MAP6: variants seen among roughly 807,000 people sequenced by gnomAD.
MAP6 encodes the protein microtubule-associated protein 6.
A neutral mutation model predicts 42.4 loss-of-function variants in MAP6; 26 were observed. The observed-to-expected ratio is 0.61, with a 90% confidence interval of 0.45 to 0.85. MAP6 has a LOEUF of 0.85. MAP6 is among the 40% of genes least tolerant of loss of function. MAP6 has a pLI of 0.00. For missense variants in MAP6, 966 were observed against 1,099.0 expected, an observed-to-expected ratio of 0.88 and a Z score of 1.71; for synonymous variants, 418 against 443.8, an observed-to-expected ratio of 0.94 and a Z score of 0.73.
intron 1 of MAP6, among the ~76,000 whole-genome samples, chr11:75,630,611 G>T (rs1943270301): frequency 6.6e-6 from 1 of 152,068 alleles, no homozygotes; most frequent in Non-Finnish European, 1.5e-5. Flanking sequence ...GAATTTTATA[G>T]GTGTGACCTA....
intron 3 of MAP6, chr11:75,603,953 ATCATG>A (rs1942712186): frequency 1.0e-6 from 1 of 985,638 alleles, no homozygotes; most frequent in East Asian, 1.1e-4. Context: ...TACAATTAAG[ATCATG>A]TTGCTAGAGC....
chr11:75,664,553 C>T (rs1455425280), intron 1 of MAP6, among the ~76,000 whole-genome samples: 2 of 152,178 alleles, frequency 1.3e-5, no homozygotes, highest in South Asian at 2.1e-4. Flanking sequence ...GGTGTGAATA[C>T]ACCATAATTT....
chr11:75,640,413 G>A (rs1943445787), intron 1 of MAP6, among the ~76,000 whole-genome samples: 1 of 152,168 alleles, frequency 6.6e-6, no homozygotes, highest in Admixed American at 6.5e-5. Context: ...AGGGCTTAAG[G>A]AGTTTCATTT....
intron 2 of MAP6, among the ~76,000 whole-genome samples, chr11:75,606,437 C>T (rs1280940615): frequency 6.6e-6 from 1 of 152,214 alleles, no homozygotes; most frequent in Non-Finnish European, 1.5e-5. Context: ...GCCTGTGCTG[C>T]CCAGTGCTCT....
chr11:75,588,138 C>G lies in MAP6; in HGVS notation c.1363G>C (p.Val455Leu). 2 of 1,613,882 alleles carry G rather than the reference C, an allele frequency of 1.2e-6. No homozygotes were observed. The highest frequency in any genetic ancestry group is 1.7e-6 in the Non-Finnish European group (2 of 1,179,964). The change falls in exon 4 of 4, where the codon GTA becomes CTA. Residue 455 changes from valine to leucine, a missense_variant. By Grantham distance (32) the Val-to-Leu change is conservative. Transcript: ENST00000304771. ...VSDSSKTQGP[V>L]ATEPDKDQGS... ...TGATCCTTGTCTGGCTCTGTGGCTA[C>G]AGGACCTTGAGTCTTACTTGAATCA... is the stretch of plus-strand genomic sequence containing the variant.
At chr11:75,590,931 C>CA (rs1208958495) in intron 3 of MAP6, among the ~76,000 whole-genome samples, 1 of 151,500 alleles carries the variant, frequency 6.6e-6, no homozygotes, top group Non-Finnish European at 1.5e-5. Flanking sequence ...CACACCACTG[C>CA]ACTCTAACCT....
intron 3 of MAP6, among the ~76,000 whole-genome samples, chr11:75,592,077 T>G (rs1051391376): frequency 1.3e-5 from 2 of 152,156 alleles, no homozygotes; most frequent in African/African-American, 4.8e-5. Context: ...CTCATGCTGT[T>G]TTGCACACTG....
At chr11:75,632,023 G>T (rs1033030086) in intron 1 of MAP6, among the ~76,000 whole-genome samples, 2 of 152,212 alleles carry the variant, frequency 1.3e-5, no homozygotes, top group African/African-American at 4.8e-5. Flanking sequence ...AACGGAGAGT[G>T]TAAAATTATA....
Position 75,667,419 on chromosome 11 carries a change from G to T in MAP6, c.905+46C>A. 1 of 1,399,286 alleles carries T rather than the reference G, an allele frequency of 7.1e-7. No individual in the cohort carries two copies. Among genetic ancestry groups the T allele is most frequent in the African/African-American group, 1.5e-5 (1 of 66,470 alleles). The allele number at this position is 1,399,286 out of a possible 1,614,324, so 86.7% of individuals were successfully genotyped here. ...CTGGGCCCCGGGCAGCCCGCGGGGA[G>T]GGTCTGCGTGGTGACTCCCCCGCGC... On this transcript the variant is annotated intron_variant, in intron 1 of 3. Transcript: ENST00000304771. The surrounding 1 kb of genome is among the most constrained non-coding windows in gnomAD (Gnocchi z 5.6).
At chr11:75,657,992 C>T (rs963225442) in intron 1 of MAP6, among the ~76,000 whole-genome samples, 1 of 152,184 alleles carries the variant, frequency 6.6e-6, no homozygotes, top group Non-Finnish European at 1.5e-5. Flanking sequence ...ATTTGGACAT[C>T]TTTGCAGGGG....
chr11:75,649,469 A>G (rs1428038930), intron 1 of MAP6, among the ~76,000 whole-genome samples: 1 of 151,878 alleles, frequency 6.6e-6, no homozygotes, highest in African/African-American at 2.4e-5. Flanking sequence ...GTGGGGGGGA[A>G]AAATAACAAC....
chr11:75,617,658 G>A (rs537520930), intron 1 of MAP6, among the ~76,000 whole-genome samples: 5 of 151,938 alleles, frequency 3.3e-5, no homozygotes, highest in Non-Finnish European at 5.9e-5. Context: ...ACGGTTGGCC[G>A]AGGTGGAGGA....
intron 3 of MAP6, chr11:75,605,073 G>A (rs999708989): frequency 7.1e-6 from 7 of 985,318 alleles, no homozygotes; most frequent in Non-Finnish European, 8.4e-6. Flanking sequence ...TCATTTCTGT[G>A]ATCTTCCTAT....
At chr11:75,602,898 CTGTT>C (rs570282090) in intron 3 of MAP6, 84 of 985,434 alleles carry the variant, frequency 8.5e-5, no homozygotes, top group Middle Eastern at 5.2e-4. Flanking sequence ...ATTGGAAAAA[CTGTT>C]TGTTTGTTTG....
At chr11:75,640,019 G>A (rs989043001) in intron 1 of MAP6, among the ~76,000 whole-genome samples, 3 of 152,038 alleles carry the variant, frequency 2.0e-5, no homozygotes, top group East Asian at 1.9e-4. Flanking sequence ...TCTGGCTGGC[G>A]GCCACAGAGT....
intron 1 of MAP6, among the ~76,000 whole-genome samples, chr11:75,636,792 CCATTA>C (rs1943376656): frequency 6.6e-6 from 1 of 152,166 alleles, no homozygotes. Context: ...CCCAGCTTAT[CCATTA>C]CTTCCTGCAA....
intron 1 of MAP6, among the ~76,000 whole-genome samples, chr11:75,654,394 A>G (rs1213525103): frequency 6.6e-6 from 1 of 152,188 alleles, no homozygotes; most frequent in Non-Finnish European, 1.5e-5. Flanking sequence ...CTTTTGACAC[A>G]CCGTACAGGT....
intron 1 of MAP6, among the ~76,000 whole-genome samples, chr11:75,642,215 T>C (rs757205404): frequency 5.3e-5 from 8 of 152,240 alleles, no homozygotes; most frequent in Admixed American, 1.3e-4. Context: ...CAGTGTCATG[T>C]TGGCTGACTG....
In MAP6 at chr11:75,587,437, T is replaced by C; in HGVS notation, c.2064A>G (p.Pro688=). The C allele has an allele frequency of 6.2e-7, 1 of 1,614,160 alleles. No individual in the cohort carries two copies. The highest frequency in any genetic ancestry group is 1.1e-5 in the South Asian group (1 of 91,076). Residue 688 remains proline (P), a synonymous_variant, in exon 4 of 4, where the codon CCA becomes CCG. Transcript: ENST00000304771. ...GPVKDQDVVV[P]EHAKVHDSAV... ...CAGAATCGTGAACCTTTGCATGCTC[T>C]GGGACTACAACATCTTGATCCTTGA...
Sources: gnomAD v4.1 joint callset for allele counts (sites outside exome capture counted in the v4.1 genomes callset) on GRCh38, gnomAD v4.1.1 for gene constraint, Gnocchi (gnomAD v3.1) non-coding constraint, MANE v1.5 for transcripts, NCBI Gene and HGNC (gene_info 2026-07-23, HGNC 2026-07-21) for gene names.